MALRD1: variants seen among roughly 807,000 people sequenced by gnomAD.
MALRD1 encodes MAM and LDL-receptor class A domain-containing protein 1.
MALRD1 carries 247 observed loss-of-function variants against 242.1 expected under a neutral mutation model. That is an observed-to-expected ratio of 1.02 (90% confidence interval 0.92 to 1.13). MALRD1 has a LOEUF of 1.13. MALRD1 is among the 50% of genes most tolerant of loss of function. MALRD1 has a pLI of 0.00. For missense variants in MALRD1, 2,989 were observed against 2,533.1 expected (o/e 1.18, Z -3.86); for synonymous variants, 995 against 866.6 (o/e 1.15, Z -2.60).
At chr10:19,272,663 C>T (rs1043646583) in intron 19 of MALRD1, among the ~76,000 whole-genome samples, 1 of 152,102 alleles carries the variant, frequency 6.6e-6, no homozygotes, top group Admixed American at 6.5e-5. Flanking sequence ...AGGTATTTGT[C>T]CTAATGCTAT....
chr10:19,183,121 T>G (rs201265424), intron 14 of MALRD1, among the ~76,000 whole-genome samples: 42,915 of 147,290 alleles, frequency 0.29, 6,615 homozygotes, highest in Admixed American at 0.36. Flanking sequence ...GAGGGTTTTT[T>G]TTTTTTTTTT....
At chr10:19,623,990 C>A (rs1387950300) in intron 36 of MALRD1, among the ~76,000 whole-genome samples, 4 of 152,108 alleles carry the variant, frequency 2.6e-5, no homozygotes, top group African/African-American at 9.7e-5. Context: ...GTTAAGATGT[C>A]ATTTCTCACC....
At chr10:19,691,651 T>C (rs1317629729) in intron 36 of MALRD1, among the ~76,000 whole-genome samples, 2 of 152,078 alleles carry the variant, frequency 1.3e-5, no homozygotes, top group Non-Finnish European at 2.9e-5. Context: ...AAGGTACTCT[T>C]TCATTCGTAA....
chr10:19,327,527 A>C, intron 22 of MALRD1, 36 bp from the exon 23 acceptor site: 1 of 1,482,568 alleles, frequency 6.7e-7, no homozygotes. Context: ...TCAAGATAAA[A>C]TACTTCAGTG....
chr10:19,488,984 C>T, intron 29 of MALRD1: 1 of 445,400 alleles, frequency 2.2e-6, no homozygotes, highest in Non-Finnish European at 4.6e-6. Flanking sequence ...AAGGCGGGCT[C>T]CCAATCCGGT....
intron 26 of MALRD1, among the ~76,000 whole-genome samples, chr10:19,370,679 G>A (rs1845333676): frequency 6.6e-6 from 1 of 152,068 alleles, no homozygotes; most frequent in South Asian, 2.1e-4. Context: ...CTGGGTTCAA[G>A]TGATTCTTGT....
intron 18 of MALRD1, among the ~76,000 whole-genome samples, chr10:19,227,333 T>A (rs1837842442): frequency 6.6e-6 from 1 of 152,012 alleles, no homozygotes; most frequent in South Asian, 2.1e-4. Flanking sequence ...TAGAAATATA[T>A]CCAGCCTTAC....
chr10:19,675,123 G>A (rs1371620910), intron 36 of MALRD1, among the ~76,000 whole-genome samples: 1 of 152,050 alleles, frequency 6.6e-6, no homozygotes, highest in Non-Finnish European at 1.5e-5. Context: ...AAATAATGTT[G>A]AAATGTGCTT....
At chr10:19,242,510 G>C (rs533096328) in intron 18 of MALRD1, among the ~76,000 whole-genome samples, 43 of 152,210 alleles carry the variant, frequency 2.8e-4, no homozygotes, top group African/African-American at 9.1e-4. Context: ...CATTTTTAAA[G>C]TGGAGTGTTG....
rs1217776453 is a variant in MALRD1, at chr10:19,357,088, C to T, written c.4441+4791C>T. Among the ~76,000 whole-genome samples, 9 of 147,614 alleles carry T rather than the reference C, an allele frequency of 6.1e-5. 1 individual carries two copies. The highest frequency in any genetic ancestry group is 1.0e-4 in the Non-Finnish European group (7 of 67,360). On this transcript the variant is annotated intron_variant, in intron 26 of 39. Transcript: ENST00000454679. ...TCTTGCCACTGCACTCCAGCCTGGG[C>T]GACAGAGTGAGACTCTGTCTGAAAA... is the stretch of plus-strand genomic sequence containing the variant.
intron 26 of MALRD1, 52 bp from the exon 27 acceptor site, chr10:19,387,476 T>C: frequency 1.3e-6 from 2 of 1,513,002 alleles, no homozygotes; most frequent in Admixed American, 4.3e-5. Flanking sequence ...TTGACCTCAC[T>C]GAATGTGTTA....
intron 38 of MALRD1, among the ~76,000 whole-genome samples, chr10:19,706,206 A>G (rs1219898186): frequency 6.6e-6 from 1 of 152,260 alleles, no homozygotes; most frequent in Admixed American, 6.5e-5. Flanking sequence ...CGATGAACAC[A>G]GCTAGAGACT....
At position 19,249,327 on chromosome 10, in the gene MALRD1, C is replaced by T. The variant is rs188482744; in HGVS notation, c.2992-8357C>T. 4.3e-4 allele frequency among the ~76,000 whole-genome samples: 65 copies of T among 151,444 alleles called. 1 individual carries two copies. The South Asian group carries it at 0.011, about 26-fold the overall frequency. ...AGGCCATGTAAGGAAGAGAAAGACA[C>T]GGTTTCAAAGTAAAAGGATGCAGGA... On this transcript the variant is annotated intron_variant, in intron 18 of 39. Transcript: ENST00000454679.
intron 21 of MALRD1, among the ~76,000 whole-genome samples, chr10:19,310,941 T>C (rs1388071300): frequency 1.3e-5 from 2 of 151,512 alleles, no homozygotes; most frequent in Non-Finnish European, 3.0e-5. Context: ...GAAACGACAC[T>C]GACTAATTTA....
At chr10:19,293,496 G>T (rs943191993) in intron 21 of MALRD1, among the ~76,000 whole-genome samples, 3 of 152,036 alleles carry the variant, frequency 2.0e-5, no homozygotes, top group African/African-American at 7.2e-5. Context: ...GTAATTTGTT[G>T]TGCGCAAGTA....
rs1220274237 is a variant in MALRD1, at chr10:19,205,266, G to GT, written c.2578+2dup. 6.5e-7 allele frequency: 1 copy of GT among 1,535,948 alleles called. No homozygotes were observed. Among genetic ancestry groups the GT allele is most frequent in the Non-Finnish European group, 8.8e-7 (1 of 1,140,076 alleles). On this transcript the variant is annotated splice_donor_variant, in intron 17 of 39. Transcript: ENST00000454679. LOFTEE classifies it high-confidence loss of function. ...GATCGTACTGATGAAGTCAACTGTG[G>GT]TAAGTTCTTTTTGGTTGGGGGATTC...
At chr10:19,519,702 T>C (rs375113396) in intron 31 of MALRD1, among the ~76,000 whole-genome samples, 38 of 152,090 alleles carry the variant, frequency 2.5e-4, no homozygotes, top group African/African-American at 8.7e-4. Context: ...AGGTTGAAGC[T>C]GCAATGAACT....
chr10:19,346,812 A>C (rs1844151137), intron 24 of MALRD1, among the ~76,000 whole-genome samples: 1 of 151,910 alleles, frequency 6.6e-6, no homozygotes, highest in South Asian at 2.1e-4. Flanking sequence ...CACCATGCCC[A>C]GCTAATTTTG....
chr10:19,584,828 T>G (rs1453350844), intron 33 of MALRD1, among the ~76,000 whole-genome samples: 1 of 151,996 alleles, frequency 6.6e-6, no homozygotes, highest in Non-Finnish European at 1.5e-5. Context: ...AGTGGGGTGT[T>G]AAAGTCTCCC....
Sources: allele counts gnomAD v4.1 joint callset (sites outside exome capture counted in the v4.1 genomes callset), GRCh38; gene constraint gnomAD v4.1.1; transcripts MANE v1.5; gene names NCBI Gene and HGNC (gene_info 2026-07-23, HGNC 2026-07-21).